GYS1: variants seen among roughly 807,000 people sequenced by gnomAD.
GYS1 encodes glycogen [starch] synthase, muscle.
Under a neutral mutation model 89.1 loss-of-function variants are expected in GYS1, and 60 were observed. That is an observed-to-expected ratio of 0.67 (90% CI 0.55 to 0.84). GYS1 has a LOEUF of 0.84. Among genes scored for constraint, GYS1 ranks in the 40% least tolerant of loss-of-function variants. The pLI is 0.00. For synonymous variants in GYS1, 366 were observed against 401.7 expected, an observed-to-expected ratio of 0.91 and a Z score of 1.06; for missense variants, 888 against 1,003.1, an observed-to-expected ratio of 0.89 and a Z score of 1.55.
At chr19:48,974,472 C>A in intron 11 of GYS1, 133 bp from the exon 12 acceptor site, 1 of 1,134,386 alleles carries the variant, frequency 8.8e-7, no homozygotes, top group Non-Finnish European at 1.3e-6. Flanking sequence ...AATGTTCAAA[C>A]CCAGGTCTGC....
In GYS1 at chr19:48,977,907, A is replaced by G. The variant is rs777905402; in HGVS notation, c.1308+17T>C. The G allele has an allele frequency of 6.3e-7, 1 of 1,598,492 alleles. No homozygotes were observed. Among genetic ancestry groups the G allele is most frequent in the Admixed American group, 1.7e-5 (1 of 60,002 alleles). ...GCCAGGAACTGCTATCTCTCTGCACAGAGGTCCAATCCATACCTGCGTTGC... is the reference window on the plus strand; with the variant it reads ...GCCAGGAACTGCTATCTCTCTGCACGGAGGTCCAATCCATACCTGCGTTGC... On this transcript the variant is annotated intron_variant, in intron 10 of 15. Transcript: ENST00000323798.
In GYS1 at chr19:48,974,600, C is replaced by T; in HGVS notation, c.1422+20G>A. ...CTTCCCTCTGCCGTGCCCAACCCAG[C>T]CCTGACCAAATGCCCTCACCTTCAC... On this transcript the variant is annotated intron_variant, in intron 11 of 15. Transcript: ENST00000323798. 1.3e-6 allele frequency: 2 copies of T among 1,562,190 alleles called. No individual in the cohort carries two copies. The highest frequency in any genetic ancestry group is 2.2e-5 in the East Asian group (1 of 44,632).
rs1403497002 is a variant in GYS1, at chr19:48,968,791, C to T, written c.*497G>A. ...ATGGAGGACCATCTGCTCTCAGTTA[C>T]CTTCAAACTCTGAAAGTGCCCCGGC... On this transcript the variant is annotated 3_prime_UTR_variant, in exon 16 of 16. Coordinates refer to ENST00000323798, the MANE Select transcript of GYS1 (RefSeq NM_002103.5). 2.2e-6 allele frequency: 1 copy of T among 454,810 alleles called. No individual in the cohort carries two copies. Among genetic ancestry groups the T allele is most frequent in the Non-Finnish European group, 4.4e-6 (1 of 227,280 alleles). 28.2% of individuals were successfully genotyped at this position (454,810 alleles called of 1,614,324 possible).
chr19:48,985,312 C>A lies in GYS1; in HGVS notation c.823+149G>T, dbSNP rs113939268. On this transcript the variant is annotated intron_variant, in intron 5 of 15. Coordinates refer to ENST00000323798, the MANE Select transcript of GYS1 (RefSeq NM_002103.5). Reference sequence around the variant, plus strand: ...TTGGCCTCTCAAAGTGCTGAGATTACAGGTGTGAGCCACCATGCCCAGCCG... The same window carrying A: ...TTGGCCTCTCAAAGTGCTGAGATTAAAGGTGTGAGCCACCATGCCCAGCCG... 5.1e-5 allele frequency: 39 copies of A among 770,842 alleles called. 1 individual carries two copies. The highest frequency in any genetic ancestry group is 4.3e-4 in the African/African-American group (25 of 58,536). 47.8% of individuals were successfully genotyped at this position (770,842 alleles called of 1,614,324 possible). A position where few individuals can be genotyped will look rare whatever the true frequency, so the allele number is the denominator to read the frequency against.
intron 8 of GYS1, among the ~76,000 whole-genome samples, chr19:48,978,530 T>TTA (rs1555798832): frequency 1.4e-5 from 2 of 146,650 alleles, no homozygotes; most frequent in Non-Finnish European, 3.0e-5. Context: ...CAGCAGTTTA[T>TTA]TTATTATTAT....
At chr19:48,971,117 C>T in intron 12 of GYS1, 94 bp from the exon 13 acceptor site, 2 of 860,036 alleles carry the variant, frequency 2.3e-6, no homozygotes, top group Admixed American at 1.8e-5. Flanking sequence ...CTACTGGCGC[C>T]TGTACCAAGT....
chr19:48,988,248 G>C (rs2122528533), intron 2 of GYS1, among the ~76,000 whole-genome samples: 1 of 152,288 alleles, frequency 6.6e-6, no homozygotes, highest in East Asian at 1.9e-4. Context: ...CTGCTGCCTT[G>C]TTTCTGTACT....
At chr19:48,990,458 G>A (rs1056860065) in intron 2 of GYS1, among the ~76,000 whole-genome samples, 1 of 152,052 alleles carries the variant, frequency 6.6e-6, no homozygotes, top group Non-Finnish European at 1.5e-5. Flanking sequence ...TCTGTCCCCA[G>A]TCTATTACTC....
In GYS1 at chr19:48,970,993, A is replaced by T; in HGVS notation, c.1580T>A (p.Ile527Asn). Residue 527 changes from isoleucine to asparagine, a missense_variant, in exon 13 of 16, where the codon ATC (isoleucine) becomes AAC (asparagine). Physicochemically the swap from Ile to Asn is moderately radical, Grantham distance 149 (BLOSUM62 -3). Coordinates refer to ENST00000323798, the MANE Select transcript of GYS1 (RefSeq NM_002103.5). ...GCCGAAGCCGGAGAGATTGGTGGAGATACTGGGGATTCCCATAACCGTGCA... is the reference window on the plus strand; with the variant it reads ...GCCGAAGCCGGAGAGATTGGTGGAGTTACTGGGGATTCCCATAACCGTGCA... ...AECTVMGIPS[I>N]STNLSGFGCF... 1 of 1,613,944 alleles carries T rather than the reference A, an allele frequency of 6.2e-7. No individual in the cohort carries two copies. Among genetic ancestry groups the T allele is most frequent in the South Asian group, 1.1e-5 (1 of 91,076 alleles).
chr19:48,991,596 G>A lies in GYS1; in HGVS notation c.119-113C>T, dbSNP rs1468664535. On this transcript the variant is annotated intron_variant, in intron 1 of 15. Coordinates refer to ENST00000323798, the MANE Select transcript of GYS1 (RefSeq NM_002103.5). This position sits in a 1 kb window ranked among gnomAD's most constrained non-coding sequence, Gnocchi z 4.7. Reference sequence around the variant, plus strand: ...ACTCAGGCCCCAGACCTCTAGCTCAGGGGGAAGAGGGGACTGGGAGCCCAT... The same window carrying A: ...ACTCAGGCCCCAGACCTCTAGCTCAAGGGGAAGAGGGGACTGGGAGCCCAT... 1.8e-6 allele frequency: 2 copies of A among 1,093,908 alleles called. No homozygotes were observed. The highest frequency in any genetic ancestry group is 3.1e-5 in the African/African-American group (2 of 64,500). The allele number at this position is 1,093,908 out of a possible 1,614,324, so 67.8% of individuals were successfully genotyped here.
Position 48,982,123 on chromosome 19 carries a change from G to A in GYS1, c.1062+132C>T, listed in dbSNP as rs2038773567. 5 of 916,880 alleles carry A rather than the reference G, an allele frequency of 5.5e-6. No individual in the cohort carries two copies. The South Asian group carries it at 6.5e-5, about 12-fold the overall frequency. The allele number at this position is 916,880 out of a possible 1,614,324, so 56.8% of individuals were successfully genotyped here. On this transcript the variant is annotated intron_variant, in intron 7 of 15. Coordinates refer to ENST00000323798, the MANE Select transcript of GYS1 (RefSeq NM_002103.5). ...GCCCAGGCTGGTCTCCATCTCCTGGGCTCAAGTGATCCTCCCGCCTTGGCC... is the reference window on the plus strand; with the variant it reads ...GCCCAGGCTGGTCTCCATCTCCTGGACTCAAGTGATCCTCCCGCCTTGGCC...
At chr19:48,981,395 AGAGT>A in intron 8 of GYS1, 131 bp downstream of exon 8, 1 of 692,582 alleles carries the variant, frequency 1.4e-6, no homozygotes, top group East Asian at 2.7e-5. Flanking sequence ...CCTGGGCGAC[AGAGT>A]GAGACTGTCT....
rs1555800149 is a variant in GYS1 at position 48,990,007 on chromosome 19, G to GGGC, written c.300+1294_300+1295insGCC. Among the ~76,000 whole-genome samples, 826 of 150,488 alleles carry GGGC rather than the reference G, an allele frequency of 5.5e-3. 82 individuals are homozygous for GGGC. Among genetic ancestry groups the GGGC allele is most frequent in the African/African-American group, 0.015 (608 of 40,612 alleles). ...TTGTCTGCCCTTTTGCTGGGGGGGG[G>GGGC]GGGGGGCTATTCTTAGGCCCCCAGC... On this transcript the variant is annotated intron_variant, in intron 2 of 15. Transcript: ENST00000323798.
intron 12 of GYS1, among the ~76,000 whole-genome samples, chr19:48,971,500 C>A (rs948116104): frequency 6.6e-6 from 1 of 151,834 alleles, no homozygotes; most frequent in Non-Finnish European, 1.5e-5. Flanking sequence ...ATACCTTTAA[C>A]AACCTTGAGA....
chr19:48,987,123 C>A (rs925128941), intron 3 of GYS1, 71 bp downstream of exon 3: 11 of 1,105,934 alleles, frequency 9.9e-6, no homozygotes, highest in Non-Finnish European at 1.4e-5. Context: ...GGGAGAAGCC[C>A]ATCCTCTGGC....
chr19:48,969,385 C>T lies in GYS1; in HGVS notation c.2117G>A (p.Ser706Asn). ...GGCCGTGTCCACAGAGTTGCGCTTG[C>T]TGCCGCTGGTGGAGGAGGTGCAGGA... ...RASCTSSTSG[S>N]KRNSVDTATS... Residue 706 changes from serine (S) to asparagine (N), a missense_variant, in exon 16 of 16, where the codon AGC becomes AAC. Physicochemically the swap from Ser to Asn is conservative, Grantham distance 46. Coordinates refer to ENST00000323798, the MANE Select transcript of GYS1 (RefSeq NM_002103.5). 1 of 1,570,652 alleles carries T rather than the reference C, an allele frequency of 6.4e-7. No homozygotes were observed.
chr19:48,968,886 C>A lies in GYS1; in HGVS notation c.*402G>T. 2.1e-6 allele frequency: 1 copy of A among 473,696 alleles called. No individual in the cohort carries two copies. The highest frequency in any genetic ancestry group is 4.2e-6 in the Non-Finnish European group (1 of 240,534). The allele number at this position is 473,696 out of a possible 1,614,324, so 29.3% of individuals were successfully genotyped here. A position where few individuals can be genotyped will look rare whatever the true frequency, so the allele number is the denominator to read the frequency against. ...AGAACTTGGTGGCCCGCATGCCGGG[C>A]CTGAGCGTGGCCTGCTCTGTATGCT... is the stretch of plus-strand genomic sequence containing the variant. On this transcript the variant is annotated 3_prime_UTR_variant, in exon 16 of 16. Coordinates refer to ENST00000323798, the MANE Select transcript of GYS1 (RefSeq NM_002103.5).
intron 5 of GYS1, among the ~76,000 whole-genome samples, chr19:48,984,784 G>C (rs1046643402): frequency 6.6e-6 from 1 of 151,980 alleles, no homozygotes; most frequent in Non-Finnish European, 1.5e-5. Flanking sequence ...GGGAGGCTGA[G>C]GCAGGAGAAT....
chr19:48,976,942 C>A (rs1238205830), intron 10 of GYS1, among the ~76,000 whole-genome samples: 1 of 151,982 alleles, frequency 6.6e-6, no homozygotes, highest in African/African-American at 2.4e-5. Context: ...GTGTATGCCA[C>A]TATGCCCAGC....
Sources: gnomAD v4.1 joint callset for allele counts (sites outside exome capture counted in the v4.1 genomes callset) on GRCh38, gnomAD v4.1.1 for gene constraint, Gnocchi (gnomAD v3.1) non-coding constraint, MANE v1.5 for transcripts, NCBI Gene and HGNC (gene_info 2026-07-23, HGNC 2026-07-21) for gene names.